The following ABI3BP variants were observed in gnomAD, a reference collection of about 807,000 sequenced individuals.
ABI3BP encodes the protein ABI family member 3 binding protein, also known as target of Nesh-SH3.
A neutral mutation model predicts 268.6 loss-of-function variants in ABI3BP; 216 were observed. The observed-to-expected ratio is 0.80, with a 90% confidence interval of 0.72 to 0.90. ABI3BP has a LOEUF of 0.90. Among genes scored for constraint, ABI3BP ranks in the 40% least tolerant of loss-of-function variants. The probability of loss-of-function intolerance (pLI) is 0.00; values close to 1 mark genes in which losing one functional copy is unlikely to be tolerated. For synonymous variants in ABI3BP, 730 were observed against 730.0 expected (o/e 1.00, Z 0.00); for missense variants, 2,090 against 2,182.4 (o/e 0.96, Z 0.84).
chr3:100,837,054 C>G, intron 27 of ABI3BP, 70 bp downstream of exon 27: 1 of 1,355,760 alleles, frequency 7.4e-7, no homozygotes, highest in Non-Finnish European at 9.9e-7. Flanking sequence ...CATATTATAG[C>G]TAATGAAAAA....
At chr3:100,840,899 C>G in intron 21 of ABI3BP, 41 bp from the exon 22 acceptor site, 4 of 1,486,266 alleles carry the variant, frequency 2.7e-6, no homozygotes, top group Non-Finnish European at 3.6e-6. Flanking sequence ...GAATCAAGAT[C>G]AAAGGAAAAA....
chr3:100,762,984 T>A (rs1367893848), intron 63 of ABI3BP, among the ~76,000 whole-genome samples: 5 of 152,188 alleles, frequency 3.3e-5, no homozygotes, highest in Non-Finnish European at 7.3e-5. Context: ...ATATGAAAAT[T>A]AATGATTTTG....
At chr3:100,837,961 G>T (rs2098630571) in intron 26 of ABI3BP, among the ~76,000 whole-genome samples, 1 of 152,162 alleles carries the variant, frequency 6.6e-6, no homozygotes, top group Admixed American at 6.5e-5. Flanking sequence ...TACAAATTCA[G>T]AAAATAGGCC....
intron 1 of ABI3BP, among the ~76,000 whole-genome samples, chr3:100,953,211 T>C (rs767131936): frequency 6.6e-6 from 1 of 152,168 alleles, no homozygotes; most frequent in Non-Finnish European, 1.5e-5. Flanking sequence ...TTTTTATAAT[T>C]ACCAACCTCA....
intron 1 of ABI3BP, among the ~76,000 whole-genome samples, chr3:100,942,134 C>T (rs2069599064): frequency 6.6e-6 from 1 of 152,000 alleles, no homozygotes; most frequent in Admixed American, 6.6e-5. Context: ...GGGTAGTAGG[C>T]ATTAGTGACA....
chr3:100,754,792 G>A, intron 63 of ABI3BP, 101 bp from the exon 64 acceptor site: 1 of 956,212 alleles, frequency 1.0e-6, no homozygotes, highest in Non-Finnish European at 1.6e-6. Flanking sequence ...ACATCCCTTT[G>A]AAATTATGAC....
At chr3:100,781,387 A>G (rs1441940085) in intron 57 of ABI3BP, among the ~76,000 whole-genome samples, 1 of 152,184 alleles carries the variant, frequency 6.6e-6, no homozygotes, top group African/African-American at 2.4e-5. Flanking sequence ...GATAAAATAC[A>G]TAAAATCATG....
chr3:100,824,124 T>G (rs970592983), intron 36 of ABI3BP, among the ~76,000 whole-genome samples: 7 of 152,154 alleles, frequency 4.6e-5, no homozygotes, highest in Non-Finnish European at 8.8e-5. Context: ...TCAAAGACTT[T>G]TGATGTCTCT....
At chr3:100,755,851 A>G (rs1366073479) in intron 63 of ABI3BP, among the ~76,000 whole-genome samples, 1 of 152,220 alleles carries the variant, frequency 6.6e-6, no homozygotes, top group Non-Finnish European at 1.5e-5. Flanking sequence ...TTTGGGAGAT[A>G]AATTTCGTCT....
intron 4 of ABI3BP, among the ~76,000 whole-genome samples, chr3:100,887,499 G>C (rs1018186984): frequency 1.3e-5 from 2 of 151,974 alleles, no homozygotes; most frequent in Admixed American, 1.3e-4. Flanking sequence ...AGAAAAATAG[G>C]ATTTGAGATG....
At chr3:100,985,391 C>T (rs187611198) in intron 1 of ABI3BP, among the ~76,000 whole-genome samples, 11 of 152,084 alleles carry the variant, frequency 7.2e-5, no homozygotes, top group East Asian at 3.9e-4. Context: ...CCTCGTGATC[C>T]GCCCGCCTTG....
chr3:100,940,786 C>CTATA (rs1167503911), intron 1 of ABI3BP, among the ~76,000 whole-genome samples: 9 of 10,140 alleles, frequency 8.9e-4, no homozygotes, highest in African/African-American at 1.5e-3. Flanking sequence ...AATTACTTCA[C>CTATA]TATATATATA....
At chr3:100,981,244 A>G (rs1041543292) in intron 1 of ABI3BP, among the ~76,000 whole-genome samples, 4 of 29,208 alleles carry the variant, frequency 1.4e-4, no homozygotes, top group African/African-American at 5.8e-4. Context: ...CTTTTGCCTT[A>G]AAAAAAAAAA....
intron 6 of ABI3BP, among the ~76,000 whole-genome samples, chr3:100,883,708 G>A (rs950807275): frequency 6.6e-6 from 1 of 152,050 alleles, no homozygotes; most frequent in African/African-American, 2.4e-5. Flanking sequence ...CACTTTTCGG[G>A]AAAGAAATCT....
At chr3:100,784,167 T>A (rs2096954979) in intron 57 of ABI3BP, among the ~76,000 whole-genome samples, 1 of 152,180 alleles carries the variant, frequency 6.6e-6, no homozygotes, top group African/African-American at 2.4e-5. Context: ...GCTTACGGAA[T>A]CACAAGATTT....
At chr3:100,754,719 T>C in intron 63 of ABI3BP, 28 bp from the exon 64 acceptor site, 1 of 1,539,072 alleles carries the variant, frequency 6.5e-7, no homozygotes, top group Non-Finnish European at 8.8e-7. Context: ...AAAAAATACT[T>C]GTAATACATT....
chr3:100,898,016 G>A (rs977135401), intron 4 of ABI3BP, among the ~76,000 whole-genome samples: 2 of 152,154 alleles, frequency 1.3e-5, no homozygotes, highest in African/African-American at 4.8e-5. Flanking sequence ...GTAGCACAGG[G>A]CCTAGTACAT....
chr3:100,955,841 T>C (rs1018602673), intron 1 of ABI3BP, among the ~76,000 whole-genome samples: 9 of 152,112 alleles, frequency 5.9e-5, no homozygotes, highest in Non-Finnish European at 1.2e-4. Context: ...CATACTTTCA[T>C]TGAGTTTACA....
At chr3:100,791,679 A>G (rs2097201329) in intron 55 of ABI3BP, among the ~76,000 whole-genome samples, 1 of 151,938 alleles carries the variant, frequency 6.6e-6, no homozygotes, top group African/African-American at 2.4e-5. Flanking sequence ...AATAAAAATT[A>G]AATGAAGTAA....
Sources: allele counts gnomAD v4.1 joint callset (sites outside exome capture counted in the v4.1 genomes callset), GRCh38; gene constraint gnomAD v4.1.1; transcripts MANE v1.5; gene names NCBI Gene and HGNC (gene_info 2026-07-23, HGNC 2026-07-21).